ASTN1: variants seen among roughly 807,000 people sequenced by gnomAD.
ASTN1 encodes the protein astrotactin-1.
ASTN1 carries 41 observed loss-of-function variants against 140.7 expected under a neutral mutation model. The ratio of observed to expected loss-of-function variants is 0.29; its 90% CI spans 0.23 to 0.38. The LOEUF (loss-of-function observed/expected upper bound fraction) is 0.38. Ranked by LOEUF, ASTN1 falls within the 10% of genes least tolerant of loss-of-function variation. The pLI is 1.00. For synonymous variants in ASTN1, 640 were observed against 652.2 expected, an observed-to-expected ratio of 0.98 and a Z score of 0.29; for missense variants, 1,479 against 1,678.8, an observed-to-expected ratio of 0.88 and a Z score of 2.08.
At chr1:177,032,325 T>C (rs1676481947) in intron 3 of ASTN1, 131 bp downstream of exon 3, 2 of 1,242,758 alleles carry the variant, frequency 1.6e-6, no homozygotes, top group South Asian at 1.5e-5. Flanking sequence ...TATTCTTGCC[T>C]ATCTAGGGAA....
chr1:177,072,063 G>A (rs961132468), intron 1 of ASTN1, among the ~76,000 whole-genome samples: 14 of 152,184 alleles, frequency 9.2e-5, no homozygotes, highest in Admixed American at 3.9e-4. Flanking sequence ...GAGCTAATAA[G>A]ATGGAGATAA....
At chr1:177,004,320 A>G (rs1674887187) in intron 8 of ASTN1, among the ~76,000 whole-genome samples, 6 of 152,168 alleles carry the variant, frequency 3.9e-5, no homozygotes, top group Admixed American at 3.9e-4. Flanking sequence ...GAAATCATAC[A>G]AGACACAAGC....
At chr1:177,021,069 G>A (rs1169692481) in intron 7 of ASTN1, among the ~76,000 whole-genome samples, 1 of 152,248 alleles carries the variant, frequency 6.6e-6, no homozygotes, top group Non-Finnish European at 1.5e-5. Flanking sequence ...GGGATAGAGT[G>A]TGGGAGGCGA....
In ASTN1 at chr1:176,969,695, C is replaced by A. The variant is rs571992464; in HGVS notation, c.1524-4458G>T. 2.3e-4 allele frequency among the ~76,000 whole-genome samples: 35 copies of A among 152,304 alleles called. 1 individual carries two copies. The highest frequency in any genetic ancestry group is 3.4e-3 in the Middle Eastern group (1 of 294). On this transcript the variant is annotated intron_variant, in intron 8 of 22. Coordinates refer to ENST00000361833, the MANE Select transcript of ASTN1 (RefSeq NM_004319.3). ...GTCAGATGTGGGGCAGGAGGTTGAACCCTGCCATCGGAAGGAACTTTCAGT... is the reference window on the plus strand; with the variant it reads ...GTCAGATGTGGGGCAGGAGGTTGAAACCTGCCATCGGAAGGAACTTTCAGT...
intron 16 of ASTN1, among the ~76,000 whole-genome samples, chr1:176,895,800 A>G (rs1444814032): frequency 6.6e-6 from 1 of 152,198 alleles, no homozygotes; most frequent in Non-Finnish European, 1.5e-5. Context: ...TTAATTCTAA[A>G]GGAAGATTGA....
chr1:176,907,286 C>T (rs1044939074), intron 16 of ASTN1, among the ~76,000 whole-genome samples: 1 of 152,068 alleles, frequency 6.6e-6, no homozygotes, highest in African/African-American at 2.4e-5. Context: ...GGTCAGAACG[C>T]TTTTTATAAA....
chr1:176,987,699 T>C (rs1358609504), intron 8 of ASTN1, among the ~76,000 whole-genome samples: 2 of 152,208 alleles, frequency 1.3e-5, no homozygotes, highest in African/African-American at 4.8e-5. Flanking sequence ...TTCCAATTAA[T>C]TCCCAGGCTC....
At chr1:176,872,312 G>A (rs1052280564) in intron 21 of ASTN1, among the ~76,000 whole-genome samples, 2 of 151,394 alleles carry the variant, frequency 1.3e-5, no homozygotes. Context: ...TTCTATGTAC[G>A]TGCACTACGT....
intron 1 of ASTN1, among the ~76,000 whole-genome samples, chr1:177,115,520 G>T (rs1681041490): frequency 6.6e-6 from 1 of 152,024 alleles, no homozygotes; most frequent in African/African-American, 2.4e-5. Flanking sequence ...AGCCAGGTGT[G>T]CTAGTGCACG....
chr1:176,923,963 G>A (rs1228247120), intron 16 of ASTN1, among the ~76,000 whole-genome samples: 5 of 152,036 alleles, frequency 3.3e-5, no homozygotes, highest in Non-Finnish European at 7.4e-5. Flanking sequence ...TGGTGGACTG[G>A]AGCCTATAAC....
In ASTN1 at chr1:176,992,672, A is replaced by G. The variant is rs530609398; in HGVS notation, c.1523+22119T>C. Among the ~76,000 whole-genome samples, 4 of 152,304 alleles carry G rather than the reference A, an allele frequency of 2.6e-5. No homozygotes were observed. In the South Asian group the frequency reaches 8.3e-4, roughly 32 times the overall value. On this transcript the variant is annotated intron_variant, in intron 8 of 22. Coordinates refer to ENST00000361833, the MANE Select transcript of ASTN1 (RefSeq NM_004319.3). ...TTTATTGCAAAATCTCTCATTAGCT[A>G]TTACTTGGTGGAGAATACAGGAGTA...
chr1:177,157,123 T>A (rs1683272527), intron 1 of ASTN1, among the ~76,000 whole-genome samples: 1 of 152,216 alleles, frequency 6.6e-6, no homozygotes, highest in South Asian at 2.1e-4. Context: ...TAAGAAAATC[T>A]GAATACAGTG....
chr1:176,906,978 T>C (rs1670033108), intron 16 of ASTN1, among the ~76,000 whole-genome samples: 2 of 152,188 alleles, frequency 1.3e-5, no homozygotes, highest in Non-Finnish European at 2.9e-5. Flanking sequence ...GCCTTAGAGA[T>C]GGTGAACCCT....
chr1:177,073,215 A>G (rs1678728650), intron 1 of ASTN1, among the ~76,000 whole-genome samples: 1 of 152,194 alleles, frequency 6.6e-6, no homozygotes, highest in African/African-American at 2.4e-5. Context: ...TCATCCTCCC[A>G]GACATCAACC....
At chr1:176,869,775 C>T (rs1041613961) in intron 21 of ASTN1, among the ~76,000 whole-genome samples, 14 of 152,102 alleles carry the variant, frequency 9.2e-5, no homozygotes, top group Admixed American at 1.3e-4. Context: ...TACCAGGGTT[C>T]CTGCCAAAGT....
At chr1:176,969,439 A>T (rs902185385) in intron 8 of ASTN1, among the ~76,000 whole-genome samples, 2 of 152,188 alleles carry the variant, frequency 1.3e-5, no homozygotes, top group African/African-American at 4.8e-5. Flanking sequence ...AGCAACCTGG[A>T]CCAATCTCTC....
intron 1 of ASTN1, among the ~76,000 whole-genome samples, chr1:177,157,506 G>A (rs1260631416): frequency 5.9e-5 from 9 of 151,990 alleles, no homozygotes; most frequent in Admixed American, 5.9e-4. Context: ...GTAGAGATGG[G>A]GTTTTGTCAT....
At chr1:176,956,074 T>C (rs1157899273) in intron 11 of ASTN1, among the ~76,000 whole-genome samples, 1 of 152,070 alleles carries the variant, frequency 6.6e-6, no homozygotes, top group South Asian at 2.1e-4. Context: ...CATTTGAGAA[T>C]GGACCAGCCA....
At chr1:176,936,068 A>G (rs551813935) in intron 15 of ASTN1, 198 bp downstream of exon 15, 1 of 657,052 alleles carries the variant, frequency 1.5e-6, no homozygotes, top group East Asian at 2.8e-5. Flanking sequence ...TAACACATGC[A>G]ATGTAATCTC....
Sources: gnomAD v4.1 joint callset for allele counts (sites outside exome capture counted in the v4.1 genomes callset) on GRCh38, gnomAD v4.1.1 for gene constraint, MANE v1.5 for transcripts, NCBI Gene and HGNC (gene_info 2026-07-23, HGNC 2026-07-21) for gene names.